TRPM8: variants seen among roughly 807,000 people sequenced by gnomAD.
TRPM8 encodes transient receptor potential cation channel subfamily M member 8.
TRPM8 carries 110 observed loss-of-function variants against 133.7 expected under a neutral mutation model. The ratio of observed to expected loss-of-function variants is 0.82; its 90% CI spans 0.70 to 0.96. The LOEUF (loss-of-function observed/expected upper bound fraction) is 0.96, where lower values mean the gene tolerates loss of function less well. Among genes scored for constraint, TRPM8 ranks in the 40% least tolerant of loss-of-function variants. The probability of loss-of-function intolerance (pLI) is 0.00; values close to 1 mark genes in which losing one functional copy is unlikely to be tolerated. For missense variants in TRPM8, 1,291 were observed against 1,379.5 expected, an observed-to-expected ratio of 0.94 and a Z score of 1.02; for synonymous variants, 535 against 532.3, an observed-to-expected ratio of 1.01 and a Z score of -0.07.
chr2:233,999,145 G>GGGGCAGGGCA (rs539246123), intron 22 of TRPM8, among the ~76,000 whole-genome samples: 6 of 151,930 alleles, frequency 3.9e-5, no homozygotes, highest in African/African-American at 7.3e-5. Context: ...GGTCCCTCCT[G>GGGGCAGGGCA]GGGCAGGGCA....
At chr2:233,977,530 A>C (rs926153607) in intron 17 of TRPM8, among the ~76,000 whole-genome samples, 2 of 152,198 alleles carry the variant, frequency 1.3e-5, no homozygotes, top group Non-Finnish European at 1.5e-5. Context: ...CAGGGCATTA[A>C]GCGGGGAGCT....
chr2:233,940,638 A>C (rs1305420910), intron 5 of TRPM8, among the ~76,000 whole-genome samples: 1 of 152,196 alleles, frequency 6.6e-6, no homozygotes, highest in Non-Finnish European at 1.5e-5. Context: ...TTGGAGTGCT[A>C]CCTTCACTTC....
At chr2:233,918,965 A>G (rs998933936) in intron 1 of TRPM8, among the ~76,000 whole-genome samples, 1 of 152,076 alleles carries the variant, frequency 6.6e-6, no homozygotes, top group African/African-American at 2.4e-5. Context: ...CCTTTGGAGC[A>G]TTTTCCTTAG....
chr2:233,994,779 C>G lies in TRPM8; in HGVS notation c.2940-1547C>G, dbSNP rs79146947. ...TAACATATGTAATCGATTTTTCTGCCTGACTTTATTGAGGATGTTCCCCAG... is the reference window on the plus strand; with the variant it reads ...TAACATATGTAATCGATTTTTCTGCGTGACTTTATTGAGGATGTTCCCCAG... On this transcript the variant is annotated intron_variant, in intron 21 of 25. Coordinates refer to ENST00000324695, the MANE Select transcript of TRPM8 (RefSeq NM_024080.5). Among the ~76,000 whole-genome samples, 208 of 152,202 alleles carry G rather than the reference C, an allele frequency of 1.4e-3. 1 individual carries two copies. Among genetic ancestry groups the G allele is most frequent in the African/African-American group, 4.9e-3 (203 of 41,532 alleles).
chr2:233,935,409 A>AG (rs1466679012), intron 3 of TRPM8, among the ~76,000 whole-genome samples: 1 of 152,202 alleles, frequency 6.6e-6, no homozygotes, highest in African/African-American at 2.4e-5. Context: ...CATCTGCCAG[A>AG]GGGGGATGCC....
rs28901616 is a variant in TRPM8 at position 233,932,961 on chromosome 2, C to T, written c.191+2220C>T. Among the ~76,000 whole-genome samples, 1,643 of 150,316 alleles carry T rather than the reference C, an allele frequency of 0.011. 43 individuals are homozygous for T. The East Asian group carries it at 0.11, about 10-fold the overall frequency. On this transcript the variant is annotated intron_variant, in intron 3 of 25. Transcript: ENST00000324695. ...CTCCCCTGAGAGTTCTCAGGGTTGC[C>T]ACCCTAGTGCTAAGCCCAACCCACC... is the stretch of plus-strand genomic sequence containing the variant.
At chr2:233,979,929 A>T (rs370717396) in intron 17 of TRPM8, among the ~76,000 whole-genome samples, 1 of 152,302 alleles carries the variant, frequency 6.6e-6, no homozygotes, top group African/African-American at 2.4e-5. Context: ...TCTTGAAAAA[A>T]TGGTGAGGAT....
chr2:233,997,955 T>C (rs1692452284), intron 22 of TRPM8, among the ~76,000 whole-genome samples: 1 of 152,056 alleles, frequency 6.6e-6, no homozygotes, highest in Admixed American at 6.5e-5. Flanking sequence ...CAGGCTTGAG[T>C]TTCTCCCAGA....
At chr2:234,010,619 C>T (rs970512721) in intron 24 of TRPM8, among the ~76,000 whole-genome samples, 2 of 152,140 alleles carry the variant, frequency 1.3e-5, no homozygotes, top group African/African-American at 2.4e-5. Context: ...AAGAGTTCGC[C>T]TTTTCCCACC....
chr2:233,954,045 G>A (rs771632998), intron 10 of TRPM8, 26 bp downstream of exon 10: 1 of 1,528,054 alleles, frequency 6.5e-7, no homozygotes, highest in Non-Finnish European at 8.9e-7. Flanking sequence ...TCCTTTTGAA[G>A]TGTCAGCTTT....
In TRPM8 at chr2:233,963,378, G is replaced by A. The variant is rs756939593; in HGVS notation, c.1749+1G>A. The A allele has an allele frequency of 6.3e-7, 1 of 1,597,840 alleles. No individual in the cohort carries two copies. Among genetic ancestry groups the A allele is most frequent in the Non-Finnish European group, 8.6e-7 (1 of 1,166,746 alleles). Reference sequence around the variant, plus strand: ...ACTCTCCAAAGTCATTTGGGAGCAGGTAAGTGCCCAAGCCCACATCAGATT... The same window carrying A: ...ACTCTCCAAAGTCATTTGGGAGCAGATAAGTGCCCAAGCCCACATCAGATT... On this transcript the variant is annotated splice_donor_variant, in intron 13 of 25. Coordinates refer to ENST00000324695, the MANE Select transcript of TRPM8 (RefSeq NM_024080.5). LOFTEE classifies it high-confidence loss of function.
At chr2:233,994,166 G>C (rs1265510024) in intron 21 of TRPM8, among the ~76,000 whole-genome samples, 1 of 152,204 alleles carries the variant, frequency 6.6e-6, no homozygotes, top group Non-Finnish European at 1.5e-5. Flanking sequence ...TTCTTAGCCT[G>C]AACTTCCCTA....
chr2:233,964,784 G>C (rs765152155), intron 14 of TRPM8, 27 bp downstream of exon 14: 1 of 1,585,716 alleles, frequency 6.3e-7, no homozygotes, highest in Admixed American at 1.7e-5. Flanking sequence ...GAATGCTGTG[G>C]TGGGCGCGGA....
At chr2:234,010,578 A>G (rs548180809) in intron 24 of TRPM8, among the ~76,000 whole-genome samples, 1 of 152,250 alleles carries the variant, frequency 6.6e-6, no homozygotes, top group South Asian at 2.1e-4. Flanking sequence ...CATAATAGCT[A>G]TATCAACTTA....
At chr2:233,968,879 A>G (rs982920527) in intron 15 of TRPM8, among the ~76,000 whole-genome samples, 9 of 152,004 alleles carry the variant, frequency 5.9e-5, no homozygotes, top group African/African-American at 2.2e-4. Context: ...GAGAGCTTTT[A>G]CATGCATTTC....
intron 24 of TRPM8, among the ~76,000 whole-genome samples, chr2:234,010,392 A>G (rs376690812): frequency 2.6e-5 from 4 of 152,222 alleles, no homozygotes; most frequent in African/African-American, 7.2e-5. Context: ...CTTGATGGAC[A>G]TTAGGTAGTT....
In TRPM8 at chr2:233,927,708, C is replaced by CTCTT. The variant is rs1174628676; in HGVS notation, c.117+1136_117+1139dup. ...CAGAGCCCTGGAAGACAGAGTCTGTCTCTTTCTTTCTTTCTTTCTTTCTTT... is the reference window on the plus strand; with the variant it reads ...CAGAGCCCTGGAAGACAGAGTCTGTCTCTTTCTTTCTTTCTTTCTTTCTTTCTTT... On this transcript the variant is annotated intron_variant, in intron 2 of 25. Coordinates refer to ENST00000324695, the MANE Select transcript of TRPM8 (RefSeq NM_024080.5). Among the ~76,000 whole-genome samples the CTCTT allele has an allele frequency of 6.1e-4, 50 of 81,440 alleles. 4 individuals are homozygous for CTCTT. Among genetic ancestry groups the CTCTT allele is most frequent in the Non-Finnish European group, 1.4e-3 (40 of 29,594 alleles). 53.4% of individuals were successfully genotyped at this position (81,440 alleles called of 152,430 possible).
intron 12 of TRPM8, among the ~76,000 whole-genome samples, chr2:233,961,922 T>C (rs970627130): frequency 2.6e-5 from 4 of 152,090 alleles, no homozygotes; most frequent in Non-Finnish European, 5.9e-5. Context: ...AACCACCGTG[T>C]CCGGCCTCAG....
chr2:233,926,244 G>A (rs889535528), intron 1 of TRPM8, among the ~76,000 whole-genome samples: 1 of 152,174 alleles, frequency 6.6e-6, no homozygotes, highest in Non-Finnish European at 1.5e-5. Flanking sequence ...CAGTCTGGTG[G>A]GGCCATGCAC....
Sources: gnomAD v4.1 joint callset for allele counts (sites outside exome capture counted in the v4.1 genomes callset) on GRCh38, gnomAD v4.1.1 for gene constraint, MANE v1.5 for transcripts, NCBI Gene and HGNC (gene_info 2026-07-23, HGNC 2026-07-21) for gene names.